Variants in PPP1R9A observed in about 807,000 individuals in gnomAD.
PPP1R9A encodes neurabin-1.
A neutral mutation model predicts 141.9 loss-of-function variants in PPP1R9A; 59 were observed. The observed-to-expected ratio is 0.42, with a 90% confidence interval of 0.34 to 0.52. The LOEUF (loss-of-function observed/expected upper bound fraction) is 0.52. PPP1R9A is among the 20% of genes least tolerant of loss of function. PPP1R9A has a pLI of 0.10. For synonymous variants in PPP1R9A, 500 were observed against 569.7 expected (o/e 0.88, Z 1.74); for missense variants, 1,444 against 1,611.9 (o/e 0.90, Z 1.78).
rs528770832 is a variant in PPP1R9A, at chr7:95,087,645, C to T, written c.1396-23614C>T. Among the ~76,000 whole-genome samples, 11 of 152,052 alleles carry T rather than the reference C, an allele frequency of 7.2e-5. No homozygotes were observed. In the South Asian group the frequency reaches 2.3e-3, roughly 32 times the overall value. ...GTGCCGCTGGCTCACGCCTTTAATC[C>T]CAGCACTTTGGGAGGTCGAGGCGAG... On this transcript the variant is annotated intron_variant, in intron 2 of 19. Coordinates refer to ENST00000433360, the MANE Select transcript of PPP1R9A (RefSeq NM_001166160.2).
chr7:95,150,505 G>A (rs755770110), intron 4 of PPP1R9A, among the ~76,000 whole-genome samples: 1 of 151,990 alleles, frequency 6.6e-6, no homozygotes, highest in Non-Finnish European at 1.5e-5. Flanking sequence ...GAGTTTCACC[G>A]TATTGGCCAT....
intron 14 of PPP1R9A, among the ~76,000 whole-genome samples, chr7:95,272,749 TAAAC>T (rs1802407778): frequency 1.3e-5 from 2 of 152,164 alleles, no homozygotes; most frequent in Non-Finnish European, 2.9e-5. Flanking sequence ...TCTCTTGAAG[TAAAC>T]AAAAATCATG....
chr7:95,164,937 AT>A, intron 5 of PPP1R9A, among the ~76,000 whole-genome samples: 1 of 151,912 alleles, frequency 6.6e-6, no homozygotes, highest in Admixed American at 6.6e-5. Flanking sequence ...ATTATCCTTT[AT>A]TTGTGCCATT....
chr7:95,233,020 T>C (rs1342152713), intron 8 of PPP1R9A, among the ~76,000 whole-genome samples: 1 of 152,148 alleles, frequency 6.6e-6, no homozygotes, highest in Non-Finnish European at 1.5e-5. Context: ...CATTACTGGG[T>C]ATATACCCAA....
chr7:94,995,484 A>C (rs1802057648), intron 2 of PPP1R9A, among the ~76,000 whole-genome samples: 1 of 151,486 alleles, frequency 6.6e-6, no homozygotes, highest in Non-Finnish European at 1.5e-5. Flanking sequence ...ATGCTCTTTT[A>C]ATTTTTTTAT....
intron 2 of PPP1R9A, among the ~76,000 whole-genome samples, chr7:94,944,767 A>G (rs1795718237): frequency 6.6e-6 from 1 of 152,080 alleles, no homozygotes; most frequent in African/African-American, 2.4e-5. Context: ...GTACTTCTGA[A>G]AAGAAGATTT....
At position 94,934,783 on chromosome 7, in the gene PPP1R9A, G is replaced by A. The variant is rs569288186; in HGVS notation, c.1395+23275G>A. ...TATGTGTATATATTTGATGTTAAAA[G>A]CTTTTATCAAATGTGTGTGTGTGTG... On this transcript the variant is annotated intron_variant, in intron 2 of 19. Transcript: ENST00000433360. 9.2e-4 allele frequency among the ~76,000 whole-genome samples: 111 copies of A among 121,258 alleles called. 1 individual carries two copies. The highest frequency in any genetic ancestry group is 2.0e-5 in the Non-Finnish European group (1 of 51,104). 79.5% of individuals were successfully genotyped at this position (121,258 alleles called of 152,430 possible). A position where few individuals can be genotyped will look rare whatever the true frequency, so the allele number is the denominator to read the frequency against.
At chr7:95,190,894 G>A (rs1379067332) in intron 5 of PPP1R9A, among the ~76,000 whole-genome samples, 1 of 152,062 alleles carries the variant, frequency 6.6e-6, no homozygotes, top group East Asian at 1.9e-4. Flanking sequence ...TCCACAATCA[G>A]CTTTTTCATT....
chr7:95,094,422 C>G (rs144637228), intron 2 of PPP1R9A, among the ~76,000 whole-genome samples: 8 of 152,276 alleles, frequency 5.3e-5, no homozygotes, highest in Non-Finnish European at 7.4e-5. Flanking sequence ...CACTCTACTC[C>G]ATCCCGTCTT....
At chr7:94,970,654 G>C (rs1192663911) in intron 2 of PPP1R9A, among the ~76,000 whole-genome samples, 1 of 41,624 alleles carries the variant, frequency 2.4e-5, no homozygotes, top group South Asian at 7.0e-4. Flanking sequence ...TTTTTTTTTT[G>C]AGATAGAGTC....
intron 3 of PPP1R9A, among the ~76,000 whole-genome samples, chr7:95,116,135 C>T (rs1821470177): frequency 6.6e-6 from 1 of 152,064 alleles, no homozygotes; most frequent in Non-Finnish European, 1.5e-5. Context: ...ATGATGGAAG[C>T]TGCCTAAATT....
intron 16 of PPP1R9A, among the ~76,000 whole-genome samples, chr7:95,275,451 C>T (rs1286011544): frequency 6.7e-6 from 1 of 150,366 alleles, no homozygotes; most frequent in Non-Finnish European, 1.5e-5. Context: ...TAATACCATA[C>T]TTTATTGATG....
chr7:94,956,297 C>A (rs943610438), intron 2 of PPP1R9A, among the ~76,000 whole-genome samples: 15 of 151,978 alleles, frequency 9.9e-5, no homozygotes, highest in Non-Finnish European at 1.8e-4. Flanking sequence ...TGTTAATATT[C>A]TTTGGTTCTA....
chr7:95,101,528 C>T (rs1475845855), intron 2 of PPP1R9A, among the ~76,000 whole-genome samples: 1 of 152,158 alleles, frequency 6.6e-6, no homozygotes, highest in Non-Finnish European at 1.5e-5. Context: ...AAGGTCTTGC[C>T]TCCGCAGTAA....
At chr7:95,254,835 C>T (rs1327458689) in intron 12 of PPP1R9A, among the ~76,000 whole-genome samples, 1 of 152,072 alleles carries the variant, frequency 6.6e-6, no homozygotes. Context: ...AAACCTTTTT[C>T]CAAACCATAC....
chr7:94,951,602 G>A (rs977683053), intron 2 of PPP1R9A, among the ~76,000 whole-genome samples: 3 of 151,678 alleles, frequency 2.0e-5, no homozygotes, highest in African/African-American at 7.3e-5. Flanking sequence ...TTATTCACTG[G>A]CTGATCATAT....
chr7:95,111,385 G>C lies in PPP1R9A; in HGVS notation c.1522G>C (p.Glu508Gln), dbSNP rs140118821. The C allele has an allele frequency of 7.4e-4, 1,196 of 1,613,546 alleles. 1 individual carries two copies. The highest frequency in any genetic ancestry group is 9.3e-4 in the Non-Finnish European group (1,094 of 1,179,596). ...GCTGGAACTTTTCCCAGTGGAGCTAGAGAAAGGTTCGTGAGTGCTACAGTG... is the reference window on the plus strand; with the variant it reads ...GCTGGAACTTTTCCCAGTGGAGCTACAGAAAGGTTCGTGAGTGCTACAGTG... Reference protein sequence around the residue: ...EKLELFPVELEKDEDGLGISI... With the variant: ...EKLELFPVELQKDEDGLGISI... Residue 508 changes from glutamate (E) to glutamine (Q), a missense_variant, in exon 3 of 20, where the codon GAG becomes CAG. This residue lies in a region of PPP1R9A where 488 missense variants were observed against 542.0 expected (regional missense o/e 0.90). Transcript: ENST00000433360.
chr7:95,247,615 C>T, intron 9 of PPP1R9A, 89 bp downstream of exon 9: 3 of 1,125,018 alleles, frequency 2.7e-6, no homozygotes, highest in Non-Finnish European at 2.6e-6. Context: ...GGTTTTGTCC[C>T]TGTATATTTG....
At chr7:95,260,716 A>C (rs1232113337) in intron 12 of PPP1R9A, among the ~76,000 whole-genome samples, 1 of 151,644 alleles carries the variant, frequency 6.6e-6, no homozygotes, top group Admixed American at 6.6e-5. Context: ...AGGAAACACA[A>C]TGTTACTTTG....
Sources: gnomAD v4.1 joint callset for allele counts (sites outside exome capture counted in the v4.1 genomes callset) on GRCh38, gnomAD v4.1.1 for gene constraint, gnomAD v4.1.1 regional missense constraint, MANE v1.5 for transcripts, NCBI Gene and HGNC (gene_info 2026-07-23, HGNC 2026-07-21) for gene names.